Variants in DCX observed in about 807,000 individuals in gnomAD.
DCX encodes neuronal migration protein doublecortin.
In DCX, 4 loss-of-function variants were observed where a neutral mutation model predicts 20.9. The observed-to-expected ratio is 0.19, with a 90% CI of 0.09 to 0.44. DCX has a LOEUF of 0.44. DCX is among the 20% of genes least tolerant of loss of function. The pLI, the probability that DCX is intolerant of heterozygous loss-of-function variation, is 0.99. For synonymous variants in DCX, 103 were observed against 111.4 expected (o/e 0.92, Z 0.47); for missense variants, 133 against 296.9 (o/e 0.45, Z 4.06).
intron 2 of DCX, among the ~76,000 whole-genome samples, chrX:111,403,235 T>C (rs1027854724): frequency 8.9e-5 from 10 of 112,013 alleles, no homozygotes; most frequent in Non-Finnish European, 3.8e-5. Flanking sequence ...ATGTTTTCCA[T>C]AACTTGTCAT....
At chrX:111,347,928 T>C (rs749510791) in intron 3 of DCX, among the ~76,000 whole-genome samples, 132 of 112,159 alleles carry the variant, frequency 1.2e-3, no homozygotes, top group Non-Finnish European at 2.2e-3. Context: ...ATATTGGTCT[T>C]CAAATTTATT....
At chrX:111,387,822 C>G (rs186053023) in intron 3 of DCX, among the ~76,000 whole-genome samples, 141 of 111,683 alleles carry the variant, frequency 1.3e-3, no homozygotes, top group South Asian at 3.8e-3. Context: ...GGCTCAAAAC[C>G]TCTTTTAAGG....
chrX:111,356,115 C>T (rs996503772), intron 3 of DCX, among the ~76,000 whole-genome samples: 4 of 112,084 alleles, frequency 3.6e-5, no homozygotes, highest in African/African-American at 1.3e-4. Context: ...GATGCCGATA[C>T]CCAGATAAAA....
At chrX:111,313,643 G>A (rs768558140) in intron 5 of DCX, among the ~76,000 whole-genome samples, 4 of 111,834 alleles carry the variant, frequency 3.6e-5, no homozygotes, top group Non-Finnish European at 7.5e-5. Flanking sequence ...ATTCTATTGT[G>A]TTGCTAAATT....
At chrX:111,327,817 T>A (rs1192469276) in intron 5 of DCX, among the ~76,000 whole-genome samples, 2 of 112,198 alleles carry the variant, frequency 1.8e-5, no homozygotes, top group Non-Finnish European at 3.8e-5. Context: ...CTGTTTTGCC[T>A]GAGATCAGCT....
At chrX:111,340,832 C>A (rs1287337066) in intron 3 of DCX, among the ~76,000 whole-genome samples, 1 of 111,265 alleles carries the variant, frequency 9.0e-6, no homozygotes, top group African/African-American at 3.3e-5. Flanking sequence ...AAAGCAACAA[C>A]AACAGCATCA....
chrX:111,372,384 A>G (rs1925172396), intron 3 of DCX, among the ~76,000 whole-genome samples: 1 of 112,190 alleles, frequency 8.9e-6, no homozygotes, highest in Admixed American at 9.4e-5. Context: ...CATTATTAAC[A>G]TCTCCACAGA....
At chrX:111,313,495 G>T (rs1264001749) in intron 5 of DCX, among the ~76,000 whole-genome samples, 1 of 111,770 alleles carries the variant, frequency 8.9e-6, no homozygotes, top group African/African-American at 3.3e-5. Flanking sequence ...TATTAAAAGA[G>T]AAGGAGGAAG....
chrX:111,313,236 C>G (rs766548581), intron 5 of DCX, among the ~76,000 whole-genome samples: 8 of 110,816 alleles, frequency 7.2e-5, no homozygotes, highest in East Asian at 5.7e-4. Flanking sequence ...GTCTCTCCCC[C>G]TCTCTTTTCC....
At position 111,385,057 on chromosome X, in the gene DCX, G is replaced by A. The variant is rs144934934; in HGVS notation, c.705+15933C>T. 3.7e-3 allele frequency among the ~76,000 whole-genome samples: 414 copies of A among 112,647 alleles called. 3 individuals carry two copies. Among genetic ancestry groups the A allele is most frequent in the Non-Finnish European group, 5.8e-3 (309 of 53,296 alleles). ...TCCTGTGTTGCGGGGCTTGGCAAAT[G>A]CCCTGGAAAAGGCAGTGCCTTTGAA... On this transcript the variant is annotated intron_variant, in intron 3 of 6. Coordinates refer to ENST00000636035, the MANE Select transcript of DCX (RefSeq NM_001195553.2).
intron 6 of DCX, among the ~76,000 whole-genome samples, chrX:111,310,281 C>T (rs2095054606): frequency 9.1e-6 from 1 of 110,466 alleles, no homozygotes; most frequent in Non-Finnish European, 1.9e-5. Context: ...TGCAGTGAGC[C>T]GAGATCGTGC....
intron 5 of DCX, among the ~76,000 whole-genome samples, chrX:111,314,840 A>G (rs2147599308): frequency 8.9e-6 from 1 of 112,017 alleles, no homozygotes. Context: ...ACAACCCACA[A>G]TAATCTAGGC....
At chrX:111,353,119 A>G (rs146020652) in intron 3 of DCX, among the ~76,000 whole-genome samples, 1 of 111,974 alleles carries the variant, frequency 8.9e-6, no homozygotes, top group East Asian at 2.8e-4. Context: ...TGGAACAACA[A>G]CAAAAAGTAT....
intron 3 of DCX, among the ~76,000 whole-genome samples, chrX:111,334,808 T>G (rs1921572983): frequency 8.9e-6 from 1 of 112,041 alleles, no homozygotes; most frequent in Non-Finnish European, 1.9e-5. Context: ...TACATCGAAA[T>G]AGAGCATTTC....
At position 111,352,104 on chromosome X, in the gene DCX, AT is replaced by A. The variant is rs746335440; in HGVS notation, c.706-18952del. Reference sequence around the variant, plus strand: ...AAAATATTGGACAATATCTGGAGACATTTTTGGTTGTAACAACTCGGAGGAG... The same window carrying A: ...AAAATATTGGACAATATCTGGAGACATTTTGGTTGTAACAACTCGGAGGAG... On this transcript the variant is annotated intron_variant, in intron 3 of 6. Coordinates refer to ENST00000636035, the MANE Select transcript of DCX (RefSeq NM_001195553.2). Among the ~76,000 whole-genome samples, 4 of 111,472 alleles carry A rather than the reference AT, an allele frequency of 3.6e-5. No individual in the cohort carries two copies. The South Asian group carries it at 1.5e-3, about 43-fold the overall frequency.
At chrX:111,401,617 C>A (rs937661579) in intron 2 of DCX, among the ~76,000 whole-genome samples, 1 of 111,697 alleles carries the variant, frequency 9.0e-6, no homozygotes, top group Non-Finnish European at 1.9e-5. Context: ...AAGTGGAGTT[C>A]CAAGCTTGAT....
At chrX:111,317,218 A>G (rs1178993736) in intron 5 of DCX, among the ~76,000 whole-genome samples, 1 of 112,022 alleles carries the variant, frequency 8.9e-6, no homozygotes, top group Non-Finnish European at 1.9e-5. Flanking sequence ...GTACTGGTAC[A>G]AAAACAGACA....
intron 3 of DCX, among the ~76,000 whole-genome samples, chrX:111,348,259 T>C (rs1056828119): frequency 2.3e-4 from 26 of 111,701 alleles, no homozygotes; most frequent in African/African-American, 7.2e-4. Context: ...CAGGAGACTC[T>C]GAGTAGCATG....
chrX:111,333,351 T>C (rs1921437273), intron 3 of DCX, among the ~76,000 whole-genome samples, 198 bp from the exon 4 acceptor site: 1 of 111,735 alleles, frequency 8.9e-6, no homozygotes, highest in African/African-American at 3.3e-5. Flanking sequence ...AGTACCATTG[T>C]CTATCCATGT....
Sources: allele counts gnomAD v4.1 joint callset (sites outside exome capture counted in the v4.1 genomes callset), GRCh38; gene constraint gnomAD v4.1.1; transcripts MANE v1.5; gene names NCBI Gene and HGNC (gene_info 2026-07-23, HGNC 2026-07-21).